Variants in WDFY2 observed in about 807,000 individuals in gnomAD.
The protein encoded by WDFY2 is WD repeat and FYVE domain containing 2, also known as WD repeat and FYVE domain-containing protein 2.
WDFY2 carries 36 observed loss-of-function variants against 56.4 expected under a neutral mutation model. The observed-to-expected ratio is 0.64, with a 90% CI of 0.49 to 0.84. The LOEUF is 0.84. Among genes scored for constraint, WDFY2 ranks in the 40% least tolerant of loss-of-function variants. The pLI is 0.00. For synonymous variants in WDFY2, 176 were observed against 183.7 expected (o/e 0.96, Z 0.34); for missense variants, 444 against 512.2 (o/e 0.87, Z 1.29).
chr13:51,599,472 A>G (rs1412375136), intron 1 of WDFY2: 2 of 157,910 alleles, frequency 1.3e-5, no homozygotes, highest in East Asian at 1.9e-4. Context: ...TAATGTATCT[A>G]TCCCAGTTGA....
intron 4 of WDFY2, among the ~76,000 whole-genome samples, chr13:51,715,725 A>G (rs1952330225): frequency 6.6e-6 from 1 of 152,222 alleles, no homozygotes; most frequent in Non-Finnish European, 1.5e-5. Flanking sequence ...ATCAAGTAAC[A>G]TTATTGTAGG....
intron 1 of WDFY2, among the ~76,000 whole-genome samples, chr13:51,623,842 T>TG (rs950757972): frequency 2.0e-5 from 3 of 148,106 alleles, no homozygotes; most frequent in Non-Finnish European, 3.0e-5. Flanking sequence ...TTTACAGAGT[T>TG]TTTTTTTTTT....
intron 1 of WDFY2, among the ~76,000 whole-genome samples, chr13:51,610,707 A>G (rs1291730426): frequency 6.6e-6 from 1 of 152,186 alleles, no homozygotes; most frequent in Non-Finnish European, 1.5e-5. Context: ...GTCATGAAAA[A>G]CATCCACTGT....
At position 51,632,933 on chromosome 13, in the gene WDFY2, C is replaced by A. The variant is rs146195821; in HGVS notation, c.138-27663C>A. Among the ~76,000 whole-genome samples, 278 of 152,244 alleles carry A rather than the reference C, an allele frequency of 1.8e-3. 1 individual carries two copies. Among genetic ancestry groups the A allele is most frequent in the African/African-American group, 6.5e-3 (271 of 41,542 alleles). ...AGGTTGTGTAGGTCATTATTCAGTT[C>A]TTTTCATTCCAGGCAAAAATAGGGA... On this transcript the variant is annotated intron_variant, in intron 1 of 11. Coordinates refer to ENST00000298125, the MANE Select transcript of WDFY2 (RefSeq NM_052950.4).
intron 8 of WDFY2, among the ~76,000 whole-genome samples, chr13:51,753,966 G>A (rs1480424692): frequency 5.3e-5 from 8 of 151,648 alleles, no homozygotes; most frequent in Non-Finnish European, 7.4e-5. Context: ...GGTTGCAGAC[G>A]CCTGTAATCT....
At chr13:51,727,965 C>T (rs550815050) in intron 6 of WDFY2, among the ~76,000 whole-genome samples, 175 bp downstream of exon 6, 73 of 152,294 alleles carry the variant, frequency 4.8e-4, no homozygotes, top group Admixed American at 1.6e-3. Flanking sequence ...TAACATCAAA[C>T]GTTTTTCTGT....
chr13:51,588,373 C>T (rs1361538222), intron 1 of WDFY2: 4 of 152,234 alleles, frequency 2.6e-5, no homozygotes, highest in Non-Finnish European at 5.9e-5. Context: ...CAGTCCCATG[C>T]AGACCTTTGT....
chr13:51,731,273 T>G (rs1952717585), intron 6 of WDFY2, among the ~76,000 whole-genome samples: 1 of 152,188 alleles, frequency 6.6e-6, no homozygotes, highest in Non-Finnish European at 1.5e-5. Context: ...CTGTGAGTTT[T>G]GTATTGTTGC....
chr13:51,650,952 T>C (rs1955369275), intron 1 of WDFY2, among the ~76,000 whole-genome samples: 1 of 152,228 alleles, frequency 6.6e-6, no homozygotes, highest in Admixed American at 6.5e-5. Flanking sequence ...GAGGATTCCC[T>C]CTTTTTCTAC....
At chr13:51,699,630 C>T (rs1008835080) in intron 3 of WDFY2, among the ~76,000 whole-genome samples, 1 of 152,080 alleles carries the variant, frequency 6.6e-6, no homozygotes, top group Non-Finnish European at 1.5e-5. Flanking sequence ...CAATGAGATA[C>T]CCTCTTGTTT....
At position 51,584,638 on chromosome 13, in the gene WDFY2, G is replaced by A. The variant is rs749278976; in HGVS notation, c.-50G>A. On this transcript the variant is annotated 5_prime_UTR_variant, in exon 1 of 12. Coordinates refer to ENST00000298125, the MANE Select transcript of WDFY2 (RefSeq NM_052950.4). Reference sequence around the variant, plus strand: ...CGTGCTCCAGCAGTCTCCTCAGCCCGGCCCCGCGGCGCGGTTGGCGGCGGC... The same window carrying A: ...CGTGCTCCAGCAGTCTCCTCAGCCCAGCCCCGCGGCGCGGTTGGCGGCGGC... 1.9e-6 allele frequency: 3 copies of A among 1,578,940 alleles called. No homozygotes were observed. The East Asian group carries it at 6.8e-5, about 36-fold the overall frequency.
chr13:51,703,795 G>C, intron 4 of WDFY2, 145 bp downstream of exon 4: 2 of 695,404 alleles, frequency 2.9e-6, no homozygotes, highest in African/African-American at 3.7e-5. Flanking sequence ...CCTGTGTTTT[G>C]AATTAAGAAA....
intron 1 of WDFY2, among the ~76,000 whole-genome samples, chr13:51,631,480 A>C (rs1954951993): frequency 6.6e-6 from 1 of 152,012 alleles, no homozygotes; most frequent in Admixed American, 6.6e-5. Flanking sequence ...TCTTGTGGGT[A>C]ATTAAAATTT....
chr13:51,635,398 A>G (rs888626298), intron 1 of WDFY2, among the ~76,000 whole-genome samples: 5 of 152,252 alleles, frequency 3.3e-5, no homozygotes, highest in Non-Finnish European at 5.9e-5. Flanking sequence ...TGAGGCATAA[A>G]TTAGACGTGA....
chr13:51,694,526 G>C (rs1327442418), intron 3 of WDFY2, among the ~76,000 whole-genome samples: 2 of 152,132 alleles, frequency 1.3e-5, no homozygotes, highest in East Asian at 3.8e-4. Flanking sequence ...GCCTCTTCTG[G>C]CTTATAGTTT....
chr13:51,705,911 A>G (rs772777091), intron 4 of WDFY2, among the ~76,000 whole-genome samples: 158 of 152,310 alleles, frequency 1.0e-3, no homozygotes, highest in Admixed American at 1.3e-3. Flanking sequence ...CAAGATATTT[A>G]GAAATCCCAG....
intron 1 of WDFY2, chr13:51,590,826 T>A (rs554854261): frequency 6.2e-4 from 94 of 151,928 alleles, no homozygotes; most frequent in African/African-American, 2.2e-3. Flanking sequence ...TTTAAAAAAA[T>A]TTTTTGTATT....
chr13:51,600,191 G>A (rs925770822), intron 1 of WDFY2, among the ~76,000 whole-genome samples: 2 of 152,240 alleles, frequency 1.3e-5, no homozygotes, highest in African/African-American at 4.8e-5. Context: ...ATATAGGTTT[G>A]TGTTGTGTAT....
At chr13:51,745,743 A>C (rs1366234053) in intron 7 of WDFY2, among the ~76,000 whole-genome samples, 2 of 143,624 alleles carry the variant, frequency 1.4e-5, no homozygotes, top group African/African-American at 2.7e-5. Context: ...TCATTTAAAA[A>C]AAAAAAAAAA....
Sources: allele counts gnomAD v4.1 joint callset (sites outside exome capture counted in the v4.1 genomes callset), GRCh38; gene constraint gnomAD v4.1.1; transcripts MANE v1.5; gene names NCBI Gene and HGNC (gene_info 2026-07-23, HGNC 2026-07-21).